The following ATF6 variants were observed in gnomAD, a reference collection of about 807,000 sequenced individuals.
The protein encoded by ATF6 is cyclic AMP-dependent transcription factor ATF-6 alpha.
In ATF6, 53 loss-of-function variants were observed where a neutral mutation model predicts 83.6. That is an observed-to-expected ratio of 0.63 (90% CI 0.51 to 0.80). The LOEUF is 0.80. ATF6 is among the 30% of genes least tolerant of loss of function. The pLI is 0.00. For missense variants in ATF6, 744 were observed against 797.9 expected (o/e 0.93, Z 0.81); for synonymous variants, 288 against 285.8 (o/e 1.01, Z -0.08).
chr1:161,809,756 C>T (rs568512369), intron 7 of ATF6, among the ~76,000 whole-genome samples: 82 of 152,302 alleles, frequency 5.4e-4, no homozygotes, highest in Non-Finnish European at 8.8e-4. Context: ...GATGGTATCT[C>T]ATTGTGGTTT....
chr1:161,839,331 A>T (rs961494029), intron 9 of ATF6, among the ~76,000 whole-genome samples: 1 of 152,164 alleles, frequency 6.6e-6, no homozygotes, highest in African/African-American at 2.4e-5. Flanking sequence ...TACATGTTGA[A>T]GGGTAGTTGT....
chr1:161,780,147 C>T (rs552498749), intron 2 of ATF6, among the ~76,000 whole-genome samples: 1 of 151,928 alleles, frequency 6.6e-6, no homozygotes, highest in Admixed American at 6.6e-5. Flanking sequence ...TTTTCATGTG[C>T]ACTTTCACAT....
At chr1:161,789,194 C>A (rs899713128) in intron 4 of ATF6, among the ~76,000 whole-genome samples, 10 of 148,018 alleles carry the variant, frequency 6.8e-5, no homozygotes, top group African/African-American at 2.2e-4. Flanking sequence ...TACAACTAAG[C>A]TCTTATTGAG....
At chr1:161,928,756 C>T (rs1040097685) in intron 15 of ATF6, among the ~76,000 whole-genome samples, 2 of 152,154 alleles carry the variant, frequency 1.3e-5, no homozygotes, top group African/African-American at 4.8e-5. Context: ...ACTGTCTTCT[C>T]ACTAATGAAT....
chr1:161,835,618 A>T (rs766561869), intron 9 of ATF6, among the ~76,000 whole-genome samples: 8 of 152,204 alleles, frequency 5.3e-5, no homozygotes, highest in Non-Finnish European at 8.8e-5. Flanking sequence ...ATTATAAGAT[A>T]ATGTACGTAA....
At chr1:161,956,562 G>GTGAAAT (rs1688971417) in intron 15 of ATF6, among the ~76,000 whole-genome samples, 1 of 152,224 alleles carries the variant, frequency 6.6e-6, no homozygotes, top group Admixed American at 6.5e-5. Flanking sequence ...AGCCGTACTT[G>GTGAAAT]TGAAATTGGA....
chr1:161,917,113 T>C (rs1378723076), intron 15 of ATF6, among the ~76,000 whole-genome samples: 1 of 152,218 alleles, frequency 6.6e-6, no homozygotes, highest in African/African-American at 2.4e-5. Context: ...TAGGAAACCT[T>C]GAAAGATGAG....
At chr1:161,801,359 CTT>C (rs1170991022) in intron 6 of ATF6, among the ~76,000 whole-genome samples, 1,493 of 95,234 alleles carry the variant, frequency 0.016, 28 homozygotes, top group African/African-American at 0.057. Context: ...TATTTGTAGT[CTT>C]TTTTTTTTTT....
At chr1:161,818,595 G>A (rs924190510) in intron 7 of ATF6, among the ~76,000 whole-genome samples, 18 of 152,154 alleles carry the variant, frequency 1.2e-4, no homozygotes, top group Admixed American at 2.0e-4. Flanking sequence ...ATCAGGGTGG[G>A]TTAGAATAAT....
intron 14 of ATF6, among the ~76,000 whole-genome samples, chr1:161,906,288 A>G (rs1359725625): frequency 6.6e-6 from 1 of 152,232 alleles, no homozygotes; most frequent in Non-Finnish European, 1.5e-5. Context: ...TGAAACTCTC[A>G]TGAAAAGAGA....
chr1:161,792,095 G>T, intron 5 of ATF6, 29 bp from the exon 6 acceptor site: 3 of 1,602,684 alleles, frequency 1.9e-6, no homozygotes, highest in Non-Finnish European at 2.6e-6. Context: ...CTTTCACATT[G>T]ACTTGTGGTT....
intron 14 of ATF6, among the ~76,000 whole-genome samples, chr1:161,879,584 GGA>G (rs1687283847): frequency 6.6e-6 from 1 of 152,068 alleles, no homozygotes. Flanking sequence ...AGGTCTTCAT[GGA>G]GACCTAACAG....
chr1:161,874,429 CTCTG>C (rs1346373706), intron 14 of ATF6, among the ~76,000 whole-genome samples: 1 of 151,560 alleles, frequency 6.6e-6, no homozygotes, highest in Non-Finnish European at 1.5e-5. Flanking sequence ...TTGGAGTCAT[CTCTG>C]TCTGATTATA....
At chr1:161,928,444 C>T (rs1688363726) in intron 15 of ATF6, among the ~76,000 whole-genome samples, 1 of 151,910 alleles carries the variant, frequency 6.6e-6, no homozygotes, top group South Asian at 2.1e-4. Context: ...TTTTTTTCCC[C>T]ACCAGTATGT....
intron 9 of ATF6, among the ~76,000 whole-genome samples, chr1:161,824,239 T>G (rs1375356840): frequency 2.6e-5 from 4 of 152,134 alleles, no homozygotes; most frequent in Non-Finnish European, 4.4e-5. Context: ...CACTTCATGG[T>G]CTTCACTTTC....
At chr1:161,838,381 A>G (rs1686273715) in intron 9 of ATF6, among the ~76,000 whole-genome samples, 1 of 152,222 alleles carries the variant, frequency 6.6e-6, no homozygotes, top group Non-Finnish European at 1.5e-5. Flanking sequence ...AACGCTTAAG[A>G]CAACAGCAGT....
rs1048180704 is a variant in ATF6, at chr1:161,784,018, A to G, written c.276A>G (p.Pro92=). 1.9e-6 allele frequency: 3 copies of G among 1,613,534 alleles called. No homozygotes were observed. In the African/African-American group the frequency reaches 4.0e-5, roughly 22 times the overall value. ...TVKDIKAEPQ[P]LSPASSSYSV... ...AAGATATTAAGGCAGAACCTCAGCCACTTTCTCCAGCCTCCTCAAGTTATT... is the reference window on the plus strand; with the variant it reads ...AAGATATTAAGGCAGAACCTCAGCCGCTTTCTCCAGCCTCCTCAAGTTATT... Residue 92 remains proline, a synonymous_variant, in exon 4 of 16, where the codon CCA becomes CCG. Transcript: ENST00000367942.
intron 15 of ATF6, among the ~76,000 whole-genome samples, chr1:161,930,760 A>G (rs1688414964): frequency 6.6e-6 from 1 of 152,206 alleles, no homozygotes; most frequent in South Asian, 2.1e-4. Flanking sequence ...ATTACACCAT[A>G]TTTATTTTAA....
chr1:161,901,420 TG>T (rs1236013423), intron 14 of ATF6, among the ~76,000 whole-genome samples: 6 of 151,046 alleles, frequency 4.0e-5, no homozygotes, highest in African/African-American at 1.5e-4. Flanking sequence ...AAATATTTAA[TG>T]TTTTATTTGA....
Sources: gnomAD v4.1 joint callset for allele counts (sites outside exome capture counted in the v4.1 genomes callset) on GRCh38, gnomAD v4.1.1 for gene constraint, MANE v1.5 for transcripts, NCBI Gene and HGNC (gene_info 2026-07-23, HGNC 2026-07-21) for gene names.